The following PCDH15 variants were observed in gnomAD, a reference collection of about 807,000 sequenced individuals.
The protein encoded by PCDH15 is protocadherin related 15.
Under a neutral mutation model 178.5 loss-of-function variants are expected in PCDH15, and 129 were observed. The observed-to-expected ratio is 0.72, with a 90% CI of 0.63 to 0.84. The LOEUF is 0.84. Ranked by LOEUF, PCDH15 falls within the 40% of genes least tolerant of loss-of-function variation. The probability of loss-of-function intolerance (pLI) is 0.00; values close to 1 mark genes in which losing one functional copy is unlikely to be tolerated. For synonymous variants in PCDH15, 800 were observed against 732.0 expected, an observed-to-expected ratio of 1.09 and a Z score of -1.50; for missense variants, 2,230 against 2,099.9, an observed-to-expected ratio of 1.06 and a Z score of -1.21.
At chr10:54,504,711 A>C (rs564976630) in intron 3 of PCDH15, among the ~76,000 whole-genome samples, 27 of 152,288 alleles carry the variant, frequency 1.8e-4, no homozygotes, top group African/African-American at 6.0e-4. Context: ...ACAGATATAC[A>C]TATACATATA....
intron 1 of PCDH15, among the ~76,000 whole-genome samples, chr10:55,181,000 C>T (rs1480548456): frequency 6.6e-6 from 1 of 151,830 alleles, no homozygotes; most frequent in African/African-American, 2.4e-5. Context: ...ATTCCAGGGG[C>T]TATGACAGAC....
At chr10:54,715,716 G>A (rs990668648) in intron 1 of PCDH15, among the ~76,000 whole-genome samples, 3 of 151,890 alleles carry the variant, frequency 2.0e-5, no homozygotes, top group Admixed American at 1.3e-4. Context: ...CTCCCTCCAC[G>A]TCACACTCAG....
rs999075442 is a variant in PCDH15, at chr10:54,124,475, G to A, written c.1917+8400C>T. Among the ~76,000 whole-genome samples the A allele has an allele frequency of 9.2e-5, 14 of 152,066 alleles. 1 individual carries two copies. Among genetic ancestry groups the A allele is most frequent in the Admixed American group, 5.9e-4 (9 of 15,266 alleles). On this transcript the variant is annotated intron_variant, in intron 15 of 37. Coordinates refer to ENST00000644397, the MANE Select transcript of PCDH15 (RefSeq NM_001384140.1). Reference sequence around the variant, plus strand: ...AAAGATGGTTATAATGGTAAGTATCGTGTTCCATATTTTTATTACAACTAC... The same window carrying A: ...AAAGATGGTTATAATGGTAAGTATCATGTTCCATATTTTTATTACAACTAC...
chr10:54,927,281 G>T (rs963266210), intron 2 of PCDH15, among the ~76,000 whole-genome samples: 5 of 152,042 alleles, frequency 3.3e-5, no homozygotes, highest in Non-Finnish European at 1.5e-5. Flanking sequence ...TAACTTGATT[G>T]TGCTGTGGTG....
chr10:53,983,794 A>G (rs2090871125), intron 21 of PCDH15, among the ~76,000 whole-genome samples: 1 of 152,204 alleles, frequency 6.6e-6, no homozygotes, highest in South Asian at 2.1e-4. Context: ...AAAGGAACTT[A>G]GAGATGAACC....
intron 23 of PCDH15, among the ~76,000 whole-genome samples, chr10:53,953,234 TAAG>T (rs748440305): frequency 3.9e-5 from 6 of 152,360 alleles, no homozygotes; most frequent in East Asian, 1.9e-4. Flanking sequence ...TCAAAAGTTT[TAAG>T]AAGAACTCAT....
chr10:54,285,747 T>A (rs559848260), intron 8 of PCDH15, among the ~76,000 whole-genome samples: 1 of 152,326 alleles, frequency 6.6e-6, no homozygotes, highest in South Asian at 2.1e-4. Flanking sequence ...GAAATCAGTA[T>A]GTCTTAGAGA....
intron 2 of PCDH15, among the ~76,000 whole-genome samples, chr10:54,980,052 T>G (rs1839191409): frequency 6.6e-6 from 1 of 152,156 alleles, no homozygotes; most frequent in African/African-American, 2.4e-5. Flanking sequence ...GGGCAATGAT[T>G]GGTGGCCATC....
chr10:53,975,258 C>G (rs1345298353), intron 21 of PCDH15, among the ~76,000 whole-genome samples: 4 of 152,124 alleles, frequency 2.6e-5, no homozygotes, highest in African/African-American at 9.7e-5. Context: ...GTGCATGTGA[C>G]TTTTTGGTAG....
intron 10 of PCDH15, among the ~76,000 whole-genome samples, chr10:54,205,468 G>T (rs2050694361): frequency 1.3e-5 from 1 of 76,880 alleles, no homozygotes; most frequent in South Asian, 3.3e-4. Context: ...CAGGTTATCA[G>T]GTTATATTTC....
At chr10:54,513,323 C>A (rs1295848343) in intron 3 of PCDH15, among the ~76,000 whole-genome samples, 1 of 151,452 alleles carries the variant, frequency 6.6e-6, no homozygotes, top group Non-Finnish European at 1.5e-5. Flanking sequence ...TGCAGTGGTG[C>A]AATCTCGGCT....
At chr10:53,840,291 A>C (rs761348793) in intron 29 of PCDH15, 29 bp downstream of exon 29, 6 of 1,603,640 alleles carry the variant, frequency 3.7e-6, no homozygotes, top group Non-Finnish European at 5.1e-6. Flanking sequence ...GTAACCAAAG[A>C]GCTGTTACAG....
At chr10:53,867,434 C>A (rs970075146) in intron 26 of PCDH15, among the ~76,000 whole-genome samples, 2 of 152,048 alleles carry the variant, frequency 1.3e-5, no homozygotes, top group African/African-American at 4.8e-5. Context: ...GACAGATATG[C>A]TAATTACCCT....
chr10:53,897,959 C>CTTTTTTTTTTTTTTTTTTTTTTTTTTT (rs66513139), intron 26 of PCDH15, among the ~76,000 whole-genome samples: 1 of 82,412 alleles, frequency 1.2e-5, no homozygotes, highest in African/African-American at 5.4e-5. Flanking sequence ...TTTCTTTTCC[C>CTTTTTTTTTTTTTTTTTTTTTTTTTTT]TTTTTTTTTT....
At chr10:55,052,274 T>A (rs957280190) in intron 2 of PCDH15, among the ~76,000 whole-genome samples, 1 of 151,588 alleles carries the variant, frequency 6.6e-6, no homozygotes, top group Non-Finnish European at 1.5e-5. Context: ...ATTGTTTTAG[T>A]AGAGACGGGA....
chr10:55,474,620 C>T (rs997629774), intron 2 of PCDH15, among the ~76,000 whole-genome samples: 4 of 152,114 alleles, frequency 2.6e-5, no homozygotes, highest in South Asian at 4.1e-4. Context: ...ATAATATTTA[C>T]TTATACCATT....
intron 1 of PCDH15, among the ~76,000 whole-genome samples, chr10:55,237,525 G>A (rs1428708442): frequency 6.6e-6 from 1 of 152,104 alleles, no homozygotes; most frequent in Admixed American, 6.5e-5. Context: ...GTTAGTAGGA[G>A]AGATTTCAGT....
intron 10 of PCDH15, among the ~76,000 whole-genome samples, chr10:54,203,614 C>T (rs1371591762): frequency 6.6e-6 from 1 of 152,110 alleles, no homozygotes; most frequent in African/African-American, 2.4e-5. Flanking sequence ...ATTCCTGTTG[C>T]TAGTGACTAA....
intron 2 of PCDH15, among the ~76,000 whole-genome samples, chr10:54,983,617 A>G (rs977941861): frequency 1.3e-5 from 2 of 152,184 alleles, no homozygotes; most frequent in African/African-American, 4.8e-5. Flanking sequence ...AAGAGTCTGA[A>G]CCTATTGTTC....
Sources: allele counts gnomAD v4.1 joint callset (sites outside exome capture counted in the v4.1 genomes callset), GRCh38; gene constraint gnomAD v4.1.1; transcripts MANE v1.5; gene names NCBI Gene and HGNC (gene_info 2026-07-23, HGNC 2026-07-21).